NRCAM: variants seen among roughly 807,000 people sequenced by gnomAD.
NRCAM encodes NgCAM-related cell adhesion molecule.
A neutral mutation model predicts 156.5 loss-of-function variants in NRCAM; 83 were observed. The ratio of observed to expected loss-of-function variants is 0.53; its 90% confidence interval spans 0.44 to 0.64. The LOEUF (loss-of-function observed/expected upper bound fraction) is 0.64, where lower values mean the gene tolerates loss of function less well. NRCAM is among the 30% of genes least tolerant of loss of function. NRCAM has a pLI of 0.00. For synonymous variants in NRCAM, 538 were observed against 563.9 expected, an observed-to-expected ratio of 0.95 and a Z score of 0.65; for missense variants, 1,417 against 1,597.3, an observed-to-expected ratio of 0.89 and a Z score of 1.92.
At chr7:108,412,542 T>TCA (rs1796730352) in intron 1 of NRCAM, among the ~76,000 whole-genome samples, 1 of 152,206 alleles carries the variant, frequency 6.6e-6, no homozygotes, top group African/African-American at 2.4e-5. Flanking sequence ...CACATATTTA[T>TCA]CATTTTTATG....
At chr7:108,434,745 G>C (rs1430029176) in intron 1 of NRCAM, among the ~76,000 whole-genome samples, 1 of 152,106 alleles carries the variant, frequency 6.6e-6, no homozygotes, top group Admixed American at 6.6e-5. Flanking sequence ...ACTGACTACT[G>C]AACTATGCAG....
Position 108,180,349 on chromosome 7 carries a change from T to A in NRCAM, c.2725A>T (p.Ser909Cys). Residue 909 changes from serine (S) to cysteine (C), a missense_variant, in exon 25 of 33, where the codon AGC becomes TGC. Ser to Cys is a moderately radical substitution (Grantham distance 112). Around this residue, in one of 2 missense-constraint regions of NRCAM, gnomAD observed 1,238 missense variants for 1,336.4 expected, o/e 0.93. Coordinates refer to ENST00000379028, the MANE Select transcript of NRCAM (RefSeq NM_001037132.4). ...CCCGGCAACATGCCATGAGTCTTGC[T>A]GCCTTGGAAGGTGAGGATCTTTTTC... The part of the protein sequence containing the change: ...IEKKILTFQG[S>C]KTHGMLPGLE... 2 of 1,614,250 alleles carry A rather than the reference T, an allele frequency of 1.2e-6. No individual in the cohort carries two copies. Among genetic ancestry groups the A allele is most frequent in the Non-Finnish European group, 1.7e-6 (2 of 1,180,036 alleles).
chr7:108,285,434 C>T (rs1049766301), intron 3 of NRCAM, among the ~76,000 whole-genome samples: 2 of 152,280 alleles, frequency 1.3e-5, no homozygotes, highest in Middle Eastern at 3.4e-3. Flanking sequence ...AAAAGCTTTA[C>T]AATAGTTTTC....
chr7:108,370,363 C>T (rs951723985), intron 2 of NRCAM, among the ~76,000 whole-genome samples: 2 of 152,046 alleles, frequency 1.3e-5, no homozygotes, highest in African/African-American at 2.4e-5. Flanking sequence ...TCAGATCCCT[C>T]GGAAATAGAA....
intron 1 of NRCAM, among the ~76,000 whole-genome samples, chr7:108,455,362 G>A (rs528964670): frequency 1.1e-4 from 17 of 152,284 alleles, no homozygotes; most frequent in African/African-American, 2.9e-4. Context: ...GCTCCAGGGC[G>A]GGTAATCACT....
At chr7:108,267,068 G>A (rs1488208527) in intron 3 of NRCAM, among the ~76,000 whole-genome samples, 2 of 152,166 alleles carry the variant, frequency 1.3e-5, no homozygotes, top group Non-Finnish European at 2.9e-5. Flanking sequence ...GTGTTATAAA[G>A]AGGGCCACAT....
intron 26 of NRCAM, 106 bp downstream of exon 26, chr7:108,177,884 C>G (rs1017393981): frequency 2.1e-6 from 2 of 968,070 alleles, no homozygotes; most frequent in African/African-American, 1.7e-5. Context: ...CTATATGTAT[C>G]GAAACATCAC....
At chr7:108,350,019 T>A (rs1303649995) in intron 2 of NRCAM, among the ~76,000 whole-genome samples, 1 of 152,208 alleles carries the variant, frequency 6.6e-6, no homozygotes, top group African/African-American at 2.4e-5. Context: ...AATGGCTCCT[T>A]TAGTTCCCTG....
intron 25 of NRCAM, among the ~76,000 whole-genome samples, chr7:108,179,458 G>A (rs1352994274): frequency 6.6e-6 from 1 of 152,198 alleles, no homozygotes; most frequent in East Asian, 1.9e-4. Flanking sequence ...AGCTACAGAA[G>A]CTATCTGGCC....
At chr7:108,306,123 A>T (rs1362276153) in intron 3 of NRCAM, among the ~76,000 whole-genome samples, 1 of 152,164 alleles carries the variant, frequency 6.6e-6, no homozygotes, top group Non-Finnish European at 1.5e-5. Context: ...CTCAAAGCAG[A>T]CCTTTGAATA....
chr7:108,282,954 C>G, intron 3 of NRCAM, among the ~76,000 whole-genome samples: 1 of 152,214 alleles, frequency 6.6e-6, no homozygotes, highest in Admixed American at 6.5e-5. Context: ...GGGGTGGGAC[C>G]TGGGCACCAG....
chr7:108,182,858 T>C lies in NRCAM; in HGVS notation c.2367A>G (p.Lys789=). 1 of 1,614,244 alleles carries C rather than the reference T, an allele frequency of 6.2e-7. No homozygotes were observed. Among genetic ancestry groups the C allele is most frequent in the South Asian group, 1.1e-5 (1 of 91,088 alleles). ...CAGATGTCCATTCATCATCACCATC[T>C]TTCTGGCGCCAGCTAACTTTGTACT... ...GLQYKVSWRQ[K]DGDDEWTSVV... Residue 789 remains lysine (K), a synonymous_variant, in exon 23 of 33, where the codon AAA becomes AAG. Coordinates refer to ENST00000379028, the MANE Select transcript of NRCAM (RefSeq NM_001037132.4).
chr7:108,258,687 C>T (rs951414020), intron 3 of NRCAM, among the ~76,000 whole-genome samples: 1 of 152,192 alleles, frequency 6.6e-6, no homozygotes, highest in African/African-American at 2.4e-5. Flanking sequence ...GGCTAATTTA[C>T]CTACCTCCGG....
intron 1 of NRCAM, among the ~76,000 whole-genome samples, chr7:108,451,349 C>T (rs1245888403): frequency 1.3e-5 from 2 of 151,920 alleles, no homozygotes; most frequent in South Asian, 2.1e-4. Context: ...GGAACCCCTG[C>T]GCATTGTTGG....
intron 3 of NRCAM, among the ~76,000 whole-genome samples, chr7:108,309,608 G>A (rs1308326579): frequency 2.6e-5 from 4 of 152,152 alleles, no homozygotes; most frequent in Admixed American, 1.3e-4. Context: ...TGTAATTCCA[G>A]TACTTTGTGA....
chr7:108,335,500 C>A (rs2099174954), intron 2 of NRCAM, among the ~76,000 whole-genome samples: 1 of 129,246 alleles, frequency 7.7e-6, no homozygotes, highest in African/African-American at 2.9e-5. Context: ...TGGCTGGCTG[C>A]CAACTAAGGG....
intron 2 of NRCAM, among the ~76,000 whole-genome samples, chr7:108,357,736 C>T (rs1001717605): frequency 5.3e-5 from 8 of 152,174 alleles, no homozygotes; most frequent in Non-Finnish European, 2.9e-5. Flanking sequence ...TGGAAAGGCT[C>T]ATTGTTTTCT....
At chr7:108,250,380 C>T (rs1052157233) in intron 3 of NRCAM, among the ~76,000 whole-genome samples, 1 of 132,300 alleles carries the variant, frequency 7.6e-6, no homozygotes, top group African/African-American at 2.8e-5. Flanking sequence ...GAGCCAAGAT[C>T]GTGCCATGGC....
intron 5 of NRCAM, among the ~76,000 whole-genome samples, chr7:108,236,461 T>TA (rs758904371): frequency 6.6e-5 from 10 of 152,102 alleles, no homozygotes; most frequent in Non-Finnish European, 1.0e-4. Flanking sequence ...CTCATTTTTC[T>TA]AGCCTTGTCA....
Sources: allele counts gnomAD v4.1 joint callset (sites outside exome capture counted in the v4.1 genomes callset), GRCh38; gene constraint gnomAD v4.1.1; regional missense constraint gnomAD v4.1.1; transcripts MANE v1.5; gene names NCBI Gene and HGNC (gene_info 2026-07-23, HGNC 2026-07-21).